The following C10orf90 variants were observed in gnomAD, a reference collection of about 807,000 sequenced individuals.
C10orf90 encodes (E2-independent) E3 ubiquitin-conjugating enzyme FATS.
Under a neutral mutation model 62.5 loss-of-function variants are expected in C10orf90, and 56 were observed. The observed-to-expected ratio is 0.90, with a 90% CI of 0.72 to 1.12. The LOEUF is 1.12. Among genes scored for constraint, C10orf90 ranks in the 50% most tolerant of loss-of-function variants. The pLI, the probability that C10orf90 is intolerant of heterozygous loss-of-function variation, is 0.00. For missense variants in C10orf90, 970 were observed against 880.4 expected, an observed-to-expected ratio of 1.10 and a Z score of -1.29; for synonymous variants, 386 against 340.4, an observed-to-expected ratio of 1.13 and a Z score of -1.47.
At chr10:126,513,207 G>A (rs1017986288) in intron 3 of C10orf90, among the ~76,000 whole-genome samples, 5 of 152,304 alleles carry the variant, frequency 3.3e-5, no homozygotes, top group South Asian at 2.1e-4. Context: ...AGCAAGCTAA[G>A]TACAAAAGCT....
chr10:126,649,077 C>CA (rs1554932161), intron 1 of C10orf90, among the ~76,000 whole-genome samples: 14 of 118,076 alleles, frequency 1.2e-4, no homozygotes, highest in Admixed American at 5.3e-4. Context: ...TCTCTCCCCC[C>CA]CCCCCAGCAA....
intron 2 of C10orf90, among the ~76,000 whole-genome samples, chr10:126,517,083 A>G (rs1384938982): frequency 1.3e-5 from 2 of 152,168 alleles, no homozygotes; most frequent in African/African-American, 2.4e-5. Flanking sequence ...AGTTCCAGGG[A>G]TTAAGACATG....
At chr10:126,607,192 A>G (rs1845330852) in intron 2 of C10orf90, among the ~76,000 whole-genome samples, 1 of 152,224 alleles carries the variant, frequency 6.6e-6, no homozygotes, top group Non-Finnish European at 1.5e-5. Context: ...ATACACTTAA[A>G]CAACAATGTT....
At chr10:126,505,162 C>G in intron 3 of C10orf90, 77 bp from the exon 4 acceptor site, 4 of 1,446,624 alleles carry the variant, frequency 2.8e-6, no homozygotes, top group Non-Finnish European at 3.7e-6. Context: ...CAAGGGCCAC[C>G]AGGATGCCAG....
chr10:126,614,695 G>A lies in C10orf90; in HGVS notation c.313+31870C>T, dbSNP rs568755338. ...ACGCTAGGGAAGGTTCATCAAACTC[G>A]AAGAACAGCAGTGAATAGAGAGGGG... On this transcript the variant is annotated intron_variant, in intron 2 of 9. Coordinates refer to ENST00000488181, the MANE Select transcript of C10orf90 (RefSeq NM_001350921.2). Among the ~76,000 whole-genome samples the A allele has an allele frequency of 1.6e-4, 25 of 152,216 alleles. No individual in the cohort carries two copies. The East Asian group carries it at 2.7e-3, about 16-fold the overall frequency.
intron 4 of C10orf90, among the ~76,000 whole-genome samples, chr10:126,480,694 C>A (rs929212119): frequency 6.6e-6 from 1 of 152,230 alleles, no homozygotes; most frequent in Non-Finnish European, 1.5e-5. Flanking sequence ...ACCTCCAGAT[C>A]TAGGCATTAA....
chr10:126,563,328 C>A (rs1291319925), intron 2 of C10orf90, among the ~76,000 whole-genome samples: 3 of 152,178 alleles, frequency 2.0e-5, no homozygotes, highest in Non-Finnish European at 4.4e-5. Flanking sequence ...CCAGCTTTTA[C>A]CCCCAAGATG....
At position 126,534,491 on chromosome 10, in the gene C10orf90, G is replaced by A. The variant is rs148113386; in HGVS notation, c.314-20552C>T. Among the ~76,000 whole-genome samples the A allele has an allele frequency of 7.0e-3, 1,058 of 152,188 alleles. 16 individuals carry two copies. Among genetic ancestry groups the A allele is most frequent in the African/African-American group, 0.024 (1,001 of 41,526 alleles). ...GATCTGTCTGAAAGATATTTTTCCCGAAAGAGGCTCCTGCAGTGTTTGGGT... is the reference window on the plus strand; with the variant it reads ...GATCTGTCTGAAAGATATTTTTCCCAAAAGAGGCTCCTGCAGTGTTTGGGT... On this transcript the variant is annotated intron_variant, in intron 2 of 9. Transcript: ENST00000488181.
intron 1 of C10orf90, among the ~76,000 whole-genome samples, chr10:126,656,877 T>C (rs2133865879): frequency 6.6e-6 from 1 of 152,358 alleles, no homozygotes; most frequent in Non-Finnish European, 1.5e-5. Context: ...AACAAATATA[T>C]TGTGAATAAG....
intron 4 of C10orf90, among the ~76,000 whole-genome samples, chr10:126,468,878 A>G (rs960529785): frequency 6.6e-6 from 1 of 152,150 alleles, no homozygotes; most frequent in African/African-American, 2.4e-5. Flanking sequence ...AAGACATTTT[A>G]CCTCCATTGG....
chr10:126,496,113 C>T (rs1366114322), intron 4 of C10orf90, among the ~76,000 whole-genome samples: 1 of 152,146 alleles, frequency 6.6e-6, no homozygotes, highest in African/African-American at 2.4e-5. Context: ...AAAGATCAGC[C>T]CATTACCTGG....
chr10:126,565,308 TATA>T (rs1331277429), intron 2 of C10orf90, among the ~76,000 whole-genome samples: 2 of 61,944 alleles, frequency 3.2e-5, no homozygotes, highest in Non-Finnish European at 5.4e-5. Context: ...TATTATATAT[TATA>T]TTATATATAT....
chr10:126,511,966 T>G (rs1863130609), intron 3 of C10orf90: 1 of 151,502 alleles, frequency 6.6e-6, no homozygotes. Flanking sequence ...TTGAATGCAT[T>G]TTGGAAGGAA....
intron 3 of C10orf90, among the ~76,000 whole-genome samples, chr10:126,506,372 G>A (rs772356487): frequency 5.3e-5 from 8 of 152,340 alleles, no homozygotes; most frequent in African/African-American, 1.7e-4. Context: ...CCGTTTAGAC[G>A]TTCATTATGG....
intron 7 of C10orf90, among the ~76,000 whole-genome samples, chr10:126,430,792 G>C (rs190906604): frequency 6.6e-6 from 1 of 152,290 alleles, no homozygotes. Flanking sequence ...TCCTGGGTCT[G>C]TTTCTATTCA....
chr10:126,519,775 C>T (rs1236197075), intron 2 of C10orf90, among the ~76,000 whole-genome samples: 1 of 152,038 alleles, frequency 6.6e-6, no homozygotes, highest in Non-Finnish European at 1.5e-5. Flanking sequence ...TGTCTTTTTC[C>T]TCTTGGCTAG....
chr10:126,626,838 G>A (rs963199249), intron 2 of C10orf90, among the ~76,000 whole-genome samples: 1 of 152,162 alleles, frequency 6.6e-6, no homozygotes, highest in African/African-American at 2.4e-5. Flanking sequence ...CTTTGGGGCT[G>A]TCAAAACTTC....
chr10:126,550,254 C>A (rs1486266651), intron 2 of C10orf90, among the ~76,000 whole-genome samples: 1 of 152,078 alleles, frequency 6.6e-6, no homozygotes, highest in Non-Finnish European at 1.5e-5. Flanking sequence ...CCGCGCCTGG[C>A]TCCTATACAG....
At chr10:126,536,405 G>A (rs1203784703) in intron 2 of C10orf90, among the ~76,000 whole-genome samples, 1 of 152,210 alleles carries the variant, frequency 6.6e-6, no homozygotes, top group Non-Finnish European at 1.5e-5. Flanking sequence ...TTCCTTTCCT[G>A]ACTACTGCGT....
Sources: gnomAD v4.1 joint callset for allele counts (sites outside exome capture counted in the v4.1 genomes callset) on GRCh38, gnomAD v4.1.1 for gene constraint, MANE v1.5 for transcripts, NCBI Gene and HGNC (gene_info 2026-07-23, HGNC 2026-07-21) for gene names.